GFPT2: variants seen among roughly 807,000 people sequenced by gnomAD.
The protein encoded by GFPT2 is glutamine--fructose-6-phosphate aminotransferase [isomerizing] 2.
GFPT2 carries 62 observed loss-of-function variants against 85.6 expected under a neutral mutation model. The ratio of observed to expected loss-of-function variants is 0.72; its 90% CI spans 0.59 to 0.90. The LOEUF (loss-of-function observed/expected upper bound fraction) is 0.90, where lower values mean the gene tolerates loss of function less well. Ranked by LOEUF, GFPT2 falls within the 40% of genes least tolerant of loss-of-function variation. The pLI is 0.00. For missense variants in GFPT2, 788 were observed against 893.4 expected, an observed-to-expected ratio of 0.88 and a Z score of 1.50; for synonymous variants, 368 against 344.5, an observed-to-expected ratio of 1.07 and a Z score of -0.75.
chr5:180,346,919 A>G (rs933848156), intron 1 of GFPT2, among the ~76,000 whole-genome samples: 3 of 152,174 alleles, frequency 2.0e-5, no homozygotes, highest in African/African-American at 7.2e-5. Flanking sequence ...AAATAACACC[A>G]AACTTCTTTG....
At chr5:180,321,026 T>A (rs1167760698) in intron 9 of GFPT2, among the ~76,000 whole-genome samples, 1 of 152,242 alleles carries the variant, frequency 6.6e-6, no homozygotes, top group African/African-American at 2.4e-5. Flanking sequence ...TACAAATAAC[T>A]TCGTATGCTT....
At chr5:180,308,873 C>CTT (rs35259770) in intron 15 of GFPT2, among the ~76,000 whole-genome samples, 1,668 of 143,966 alleles carry the variant, frequency 0.012, 28 homozygotes, top group African/African-American at 0.039. Flanking sequence ...TCAGAGAAGA[C>CTT]TTTTTTTTTT....
At position 180,318,411 on chromosome 5, in the gene GFPT2, G is replaced by A. The variant is rs1764054453; in HGVS notation, c.958+382C>T. Among the ~76,000 whole-genome samples, 1 of 152,156 alleles carries A rather than the reference G, an allele frequency of 6.6e-6. No homozygotes were observed. The highest frequency in any genetic ancestry group is 6.5e-5 in the Admixed American group (1 of 15,280). On this transcript the variant is annotated intron_variant, in intron 10 of 18. Coordinates refer to ENST00000253778, the MANE Select transcript of GFPT2 (RefSeq NM_005110.4). The surrounding 1 kb of genome is among the most constrained non-coding windows in gnomAD (Gnocchi z 4.2). ...GGACAGAAATGGGTGCAGACAGAGA[G>A]GCTCTCCTTGTAGGGAGAAAGTGTA... is the stretch of plus-strand genomic sequence containing the variant.
chr5:180,312,818 C>G (rs936810600), intron 14 of GFPT2, among the ~76,000 whole-genome samples: 4 of 151,890 alleles, frequency 2.6e-5, no homozygotes, highest in Admixed American at 2.6e-4. Flanking sequence ...GCTGTGTCAC[C>G]CAGGCTGGAG....
intron 9 of GFPT2, 146 bp downstream of exon 9, chr5:180,324,042 C>T (rs1197531345): frequency 1.5e-6 from 1 of 673,368 alleles, no homozygotes; most frequent in Admixed American, 2.5e-5. Context: ...AGGCCCAGGC[C>T]CAGGGATGGC....
chr5:180,325,023 CCACAGGACGGACGCCTGGAG>C, intron 7 of GFPT2, 128 bp from the exon 8 acceptor site: 3 of 697,412 alleles, frequency 4.3e-6, no homozygotes, highest in South Asian at 1.6e-5. Context: ...TGTTTAGGTC[CCACAGGACGGACGCCTGGAG>C]CACAGGATGG....
At chr5:180,350,773 C>A (rs1764697301) in intron 1 of GFPT2, among the ~76,000 whole-genome samples, 3 of 152,182 alleles carry the variant, frequency 2.0e-5, no homozygotes, top group Admixed American at 2.0e-4. Flanking sequence ...TTTTGAGAAT[C>A]ATCTGCTGTT....
In GFPT2 at chr5:180,313,626, A is replaced by T. The variant is rs572826517; in HGVS notation, c.1431+181T>A. Among the ~76,000 whole-genome samples, 116 of 152,106 alleles carry T rather than the reference A, an allele frequency of 7.6e-4. 1 individual carries two copies. The South Asian group carries it at 0.012, about 16-fold the overall frequency. On this transcript the variant is annotated intron_variant, in intron 14 of 18. Coordinates refer to ENST00000253778, the MANE Select transcript of GFPT2 (RefSeq NM_005110.4). ...ATAAATAAAATAAAAATAAAAATAA[A>T]AAAAATGAAGATACGGGAATCCAAG...
At position 180,324,245 on chromosome 5, in the gene GFPT2, G is replaced by A; in HGVS notation, c.737C>T (p.Ala246Val). 1 of 1,613,286 alleles carries A rather than the reference G, an allele frequency of 6.2e-7. No homozygotes were observed. Among genetic ancestry groups the A allele is most frequent in the Non-Finnish European group, 8.5e-7 (1 of 1,179,374 alleles). ...KTRMKRLDSS[A>V]CLHAVGDKAV... ...CTTGTCGCCCACAGCATGCAGGCAGGCGGAGCTGTCCAGCCTCTTCATCCG... is the reference window on the plus strand; with the variant it reads ...CTTGTCGCCCACAGCATGCAGGCAGACGGAGCTGTCCAGCCTCTTCATCCG... The change falls in exon 9 of 19, where the codon GCC becomes GTC. Residue 246 changes from alanine to valine, a missense_variant. Physicochemically the swap from Ala to Val is moderately conservative, Grantham distance 64. Transcript: ENST00000253778.
chr5:180,322,379 A>G (rs1007843052), intron 9 of GFPT2, among the ~76,000 whole-genome samples: 13 of 152,026 alleles, frequency 8.6e-5, no homozygotes, highest in African/African-American at 3.1e-4. Flanking sequence ...TTACTTCCTC[A>G]TGGTAAATTT....
intron 2 of GFPT2, among the ~76,000 whole-genome samples, chr5:180,336,959 T>C (rs1196013655): frequency 6.6e-6 from 1 of 152,236 alleles, no homozygotes; most frequent in African/African-American, 2.4e-5. Flanking sequence ...TGCGTTAGTG[T>C]TCCTCCCGTC....
rs1475159487 is a variant in GFPT2, at chr5:180,323,039, TAAATAA to T, written c.794+1143_794+1148del. Among the ~76,000 whole-genome samples the T allele has an allele frequency of 6.6e-6, 1 of 151,772 alleles. No individual in the cohort carries two copies. The highest frequency in any genetic ancestry group is 1.5e-5 in the Non-Finnish European group (1 of 67,964). ...GACAGAGTGAGACAAAATAAATAAA[TAAATAA>T]AAATAAAAAAAGAAACATCTATCAT... On this transcript the variant is annotated intron_variant, in intron 9 of 18. Transcript: ENST00000253778. The surrounding 1 kb of genome is among the most constrained non-coding windows in gnomAD (Gnocchi z 4.0).
Position 180,352,760 on chromosome 5 carries a change from C to T in GFPT2, c.7+451G>A, listed in dbSNP as rs533933735. On this transcript the variant is annotated intron_variant, in intron 1 of 18. Transcript: ENST00000253778. ...GCGGGGCGGGGTCGCCTCTCCTCTC[C>T]TCGGTGGGCGCGGCGGGCTGAGTCG... The T allele has an allele frequency of 4.1e-5, 14 of 339,616 alleles. 1 individual carries two copies. The highest frequency in any genetic ancestry group is 2.9e-4 in the South Asian group (14 of 48,418). 21.0% of individuals were successfully genotyped at this position (339,616 alleles called of 1,614,324 possible). A position where few individuals can be genotyped will look rare whatever the true frequency, so the allele number is the denominator to read the frequency against.
At chr5:180,309,596 G>A (rs1308940589) in intron 15 of GFPT2, among the ~76,000 whole-genome samples, 1 of 151,906 alleles carries the variant, frequency 6.6e-6, no homozygotes, top group Admixed American at 6.6e-5. Context: ...ATTTTTAGTA[G>A]AGATGGGGTT....
chr5:180,336,003 C>T, intron 3 of GFPT2, 50 bp from the exon 4 acceptor site: 1 of 1,520,066 alleles, frequency 6.6e-7, no homozygotes, highest in Non-Finnish European at 8.8e-7. Flanking sequence ...AAGCCTCGAC[C>T]CAGGACTGTG....
At chr5:180,309,812 A>G (rs1299287799) in intron 15 of GFPT2, among the ~76,000 whole-genome samples, 1 of 148,406 alleles carries the variant, frequency 6.7e-6, no homozygotes, top group Non-Finnish European at 1.5e-5. Flanking sequence ...CATCAAGGCC[A>G]TTCCTTTTTT....
At position 180,335,590 on chromosome 5, in the gene GFPT2, G is replaced by A. The variant is rs182787995; in HGVS notation, c.340+238C>T. 3.4e-4 allele frequency among the ~76,000 whole-genome samples: 52 copies of A among 152,346 alleles called. No individual in the cohort carries two copies. In the East Asian group the frequency reaches 4.6e-3, roughly 14 times the overall value. ...GCAGCTCTCCTGGTTAAGTGCCATCGTTTTCCTGTGCACTCCTGGGAGGCC... is the reference window on the plus strand; with the variant it reads ...GCAGCTCTCCTGGTTAAGTGCCATCATTTTCCTGTGCACTCCTGGGAGGCC... On this transcript the variant is annotated intron_variant, in intron 4 of 18. Transcript: ENST00000253778.
At chr5:180,306,886 A>T (rs918307079) in intron 16 of GFPT2, among the ~76,000 whole-genome samples, 1 of 152,026 alleles carries the variant, frequency 6.6e-6, no homozygotes, top group African/African-American at 2.4e-5. Context: ...TTCCAAGTGG[A>T]CCCTGGCAGT....
chr5:180,311,926 G>GT (rs1329959957), intron 15 of GFPT2, among the ~76,000 whole-genome samples: 1 of 151,902 alleles, frequency 6.6e-6, no homozygotes, highest in Admixed American at 6.6e-5. Context: ...AGGCCCTGCG[G>GT]TGAGAAAGCA....
Sources: allele counts gnomAD v4.1 joint callset (sites outside exome capture counted in the v4.1 genomes callset), GRCh38; gene constraint gnomAD v4.1.1; non-coding constraint Gnocchi (gnomAD v3.1); transcripts MANE v1.5; gene names NCBI Gene and HGNC (gene_info 2026-07-23, HGNC 2026-07-21).